The following PRKAR2A variants were observed in gnomAD, a reference collection of about 807,000 sequenced individuals.
The protein encoded by PRKAR2A is protein kinase cAMP-dependent type II regulatory subunit alpha, also known as cAMP-dependent protein kinase type II-alpha regulatory subunit.
Under a neutral mutation model 51.9 loss-of-function variants are expected in PRKAR2A, and 29 were observed. That is an observed-to-expected ratio of 0.56 (90% CI 0.42 to 0.76). The LOEUF is 0.76. Ranked by LOEUF, PRKAR2A falls within the 30% of genes least tolerant of loss-of-function variation. The pLI is 0.00. For missense variants in PRKAR2A, 445 were observed against 512.1 expected, an observed-to-expected ratio of 0.87 and a Z score of 1.26; for synonymous variants, 178 against 186.2, an observed-to-expected ratio of 0.96 and a Z score of 0.36.
chr3:48,791,639 G>A (rs1221593478), intron 3 of PRKAR2A, among the ~76,000 whole-genome samples: 2 of 142,590 alleles, frequency 1.4e-5, no homozygotes, highest in African/African-American at 2.6e-5. Flanking sequence ...GCTCACTCCT[G>A]TAATCCCAGG....
At chr3:48,818,920 T>A (rs189608521) in intron 1 of PRKAR2A, among the ~76,000 whole-genome samples, 1 of 152,252 alleles carries the variant, frequency 6.6e-6, no homozygotes, top group East Asian at 1.9e-4. Context: ...TGTTTGCTGG[T>A]TTTTCAAAAT....
At chr3:48,756,475 A>G (rs1575837162) in intron 8 of PRKAR2A, 31 bp from the exon 9 acceptor site, 3 of 1,527,902 alleles carry the variant, frequency 2.0e-6, no homozygotes, top group Non-Finnish European at 2.7e-6. Context: ...GGTCAGAGCC[A>G]TAAGTAGTAT....
chr3:48,802,640 T>G (rs2082608123), intron 2 of PRKAR2A, among the ~76,000 whole-genome samples: 1 of 150,992 alleles, frequency 6.6e-6, no homozygotes, highest in African/African-American at 2.4e-5. Flanking sequence ...GAGGTGGAAG[T>G]CGCAGTGAGC....
intron 2 of PRKAR2A, among the ~76,000 whole-genome samples, chr3:48,796,493 G>A (rs918648036): frequency 2.6e-5 from 4 of 151,802 alleles, no homozygotes; most frequent in Non-Finnish European, 5.9e-5. Flanking sequence ...CTTTCTCTAC[G>A]GTTTGCCCCG....
chr3:48,745,742 T>A (rs1266389578), downstream of PRKAR2A, among the ~76,000 whole-genome samples: 1 of 152,082 alleles, frequency 6.6e-6, no homozygotes, highest in Non-Finnish European at 1.5e-5. Flanking sequence ...TTTCACCATG[T>A]TGGCCAGGCT....
chr3:48,777,555 G>C (rs1365431180), intron 5 of PRKAR2A, among the ~76,000 whole-genome samples: 2 of 151,938 alleles, frequency 1.3e-5, no homozygotes, highest in Admixed American at 6.6e-5. Flanking sequence ...ACAGGCACCC[G>C]CCACCACGCC....
chr3:48,836,442 A>AAAAAG (rs2083287279), intron 1 of PRKAR2A, among the ~76,000 whole-genome samples: 2 of 129,068 alleles, frequency 1.5e-5, no homozygotes, highest in African/African-American at 6.1e-5. Context: ...AAAAAAAAAA[A>AAAAAG]AAGAAGAAGA....
intron 1 of PRKAR2A, among the ~76,000 whole-genome samples, chr3:48,831,006 G>A (rs1453952604): frequency 6.6e-6 from 1 of 152,134 alleles, no homozygotes; most frequent in African/African-American, 2.4e-5. Flanking sequence ...TCACTTGCTT[G>A]CCCACTGCTC....
Position 48,751,462 on chromosome 3 carries a change from C to T in PRKAR2A, c.*123G>A. On this transcript the variant is annotated 3_prime_UTR_variant, in exon 11 of 11. Transcript: ENST00000265563. The stretch of plus-strand genomic sequence containing the variant: ...CAAGTTTTCTAAATGCCCATAACCA[C>T]AGCAATGGCAGCAGTGGCGGCAACG... 1 of 1,413,848 alleles carries T rather than the reference C, an allele frequency of 7.1e-7. No homozygotes were observed. Among genetic ancestry groups the T allele is most frequent in the Non-Finnish European group, 9.9e-7 (1 of 1,012,146 alleles). 87.6% of individuals were successfully genotyped at this position (1,413,848 alleles called of 1,614,324 possible).
intron 6 of PRKAR2A, among the ~76,000 whole-genome samples, chr3:48,769,805 C>G (rs539266219): frequency 6.6e-6 from 1 of 151,882 alleles, no homozygotes; most frequent in South Asian, 2.1e-4. Context: ...GACAGAGTCT[C>G]ACTCTGTCAC....
chr3:48,818,192 T>C (rs1052717912), intron 1 of PRKAR2A, among the ~76,000 whole-genome samples: 1 of 152,166 alleles, frequency 6.6e-6, no homozygotes, highest in Non-Finnish European at 1.5e-5. Flanking sequence ...GCCAGGCAGG[T>C]AGGCACTTCC....
intron 2 of PRKAR2A, among the ~76,000 whole-genome samples, chr3:48,805,864 CAT>C (rs2082669980): frequency 6.6e-6 from 1 of 152,000 alleles, no homozygotes; most frequent in Admixed American, 6.6e-5. Flanking sequence ...GGGATAATAC[CAT>C]GTACTTGTCT....
chr3:48,822,741 T>C (rs976366626), intron 1 of PRKAR2A, among the ~76,000 whole-genome samples: 20 of 148,042 alleles, frequency 1.4e-4, no homozygotes, highest in African/African-American at 4.5e-4. Flanking sequence ...TTTTTTTTTT[T>C]CTTTGAGACA....
At chr3:48,782,902 G>A (rs1057013880) in intron 5 of PRKAR2A, 84 bp downstream of exon 5, 6 of 1,009,398 alleles carry the variant, frequency 5.9e-6, no homozygotes, top group Non-Finnish European at 9.2e-6. Context: ...TCTCTGGGCT[G>A]AATACAGAAT....
At chr3:48,815,354 A>G (rs1326917693) in intron 1 of PRKAR2A, among the ~76,000 whole-genome samples, 1 of 150,946 alleles carries the variant, frequency 6.6e-6, no homozygotes, top group Admixed American at 6.6e-5. Flanking sequence ...ATATATATAT[A>G]TGACTTAGCT....
chr3:48,801,342 G>A (rs764611010), intron 2 of PRKAR2A, among the ~76,000 whole-genome samples: 29 of 151,938 alleles, frequency 1.9e-4, no homozygotes, highest in Non-Finnish European at 3.7e-4. Flanking sequence ...TAGTCAAGAC[G>A]AAGCTTCACC....
rs778154585 is a variant in PRKAR2A, at chr3:48,751,205, G to A, written c.*380C>T. 3 of 434,064 alleles carry A rather than the reference G, an allele frequency of 6.9e-6. No homozygotes were observed. Among genetic ancestry groups the A allele is most frequent in the Admixed American group, 2.5e-5 (1 of 39,462 alleles). 26.9% of individuals were successfully genotyped at this position (434,064 alleles called of 1,614,324 possible). ...GTCTACAGTTATACAACAGGTTTCTGCAGACCCTGTGGTAACTTCCAAAAG... is the reference window on the plus strand; with the variant it reads ...GTCTACAGTTATACAACAGGTTTCTACAGACCCTGTGGTAACTTCCAAAAG... On this transcript the variant is annotated 3_prime_UTR_variant, in exon 11 of 11. Transcript: ENST00000265563.
At position 48,847,546 on chromosome 3, in the gene PRKAR2A, G is replaced by A; in HGVS notation, c.51C>T (p.Tyr17=). The A allele has an allele frequency of 6.4e-7, 1 of 1,570,316 alleles. No homozygotes were observed. Among genetic ancestry groups the A allele is most frequent in the Non-Finnish European group, 8.6e-7 (1 of 1,160,700 alleles). The change falls in exon 1 of 11, where the codon TAC becomes TAT. Residue 17 remains tyrosine (Y), a synonymous_variant. Transcript: ENST00000265563. The surrounding 1 kb of genome is among the most constrained non-coding windows in gnomAD (Gnocchi z 4.4). ...PPGLTELLQG[Y]TVEVLRQQPP... ...GCTGCTGTCGCAGCACCTCCACCGT[G>A]TAGCCCTGCAGCAGCTCCGTGAGCC...
chr3:48,791,094 T>C (rs2082375453), intron 3 of PRKAR2A, among the ~76,000 whole-genome samples: 1 of 149,720 alleles, frequency 6.7e-6, no homozygotes, highest in African/African-American at 2.5e-5. Flanking sequence ...CGAGACCATC[T>C]TGGCCAACGT....
Sources: allele counts gnomAD v4.1 joint callset (sites outside exome capture counted in the v4.1 genomes callset), GRCh38; gene constraint gnomAD v4.1.1; non-coding constraint Gnocchi (gnomAD v3.1); transcripts MANE v1.5; gene names NCBI Gene and HGNC (gene_info 2026-07-23, HGNC 2026-07-21).